SELENOI: variants seen among roughly 807,000 people sequenced by gnomAD.
SELENOI encodes ethanolaminephosphotransferase 1.
In SELENOI, 24 loss-of-function variants were observed where a neutral mutation model predicts 50.7. The observed-to-expected ratio is 0.47, with a 90% CI of 0.34 to 0.67. The LOEUF is 0.67. Among genes scored for constraint, SELENOI ranks in the 30% least tolerant of loss-of-function variants. The pLI, the probability that SELENOI is intolerant of heterozygous loss-of-function variation, is 0.01. For synonymous variants in SELENOI, 155 were observed against 170.2 expected, an observed-to-expected ratio of 0.91 and a Z score of 0.70; for missense variants, 352 against 461.4, an observed-to-expected ratio of 0.76 and a Z score of 2.17.
In SELENOI at chr2:26,376,804, T is replaced by A. The variant is rs181473074; in HGVS notation, c.682+1656T>A. The stretch of plus-strand genomic sequence containing the variant: ...TTTACTTACGTGAAAGTGTATTGAT[T>A]TTGCCTGAATTTTTTCTTTTGGCAT... On this transcript the variant is annotated intron_variant, in intron 6 of 9. Transcript: ENST00000260585. 2.3e-4 allele frequency among the ~76,000 whole-genome samples: 35 copies of A among 152,352 alleles called. No individual in the cohort carries two copies. The East Asian group carries it at 6.7e-3, about 29-fold the overall frequency.
intron 5 of SELENOI, among the ~76,000 whole-genome samples, chr2:26,374,101 C>G (rs954499428): frequency 6.6e-6 from 1 of 152,042 alleles, no homozygotes; most frequent in African/African-American, 2.4e-5. Flanking sequence ...ATAAATACTT[C>G]GCTATATATC....
chr2:26,358,035 C>A (rs1221016810), intron 1 of SELENOI, among the ~76,000 whole-genome samples: 1 of 152,212 alleles, frequency 6.6e-6, no homozygotes, highest in Admixed American at 6.5e-5. Flanking sequence ...ATGCCTTTCG[C>A]CTTCCACTAT....
At chr2:26,352,139 CAG>C (rs1457553480) in intron 1 of SELENOI, among the ~76,000 whole-genome samples, 1 of 151,830 alleles carries the variant, frequency 6.6e-6, no homozygotes. Flanking sequence ...GACCCTGTCT[CAG>C]AGAAGAAAAA....
chr2:26,371,358 C>T (rs1322295444), intron 4 of SELENOI, among the ~76,000 whole-genome samples: 1 of 151,142 alleles, frequency 6.6e-6, no homozygotes, highest in Non-Finnish European at 1.5e-5. Flanking sequence ...GGCAGAGGCG[C>T]TCCCCACATC....
chr2:26,376,091 CAAAA>C (rs57146815), intron 6 of SELENOI, among the ~76,000 whole-genome samples: 3 of 81,224 alleles, frequency 3.7e-5, no homozygotes, highest in Admixed American at 1.1e-4. Flanking sequence ...GACCCTGTCT[CAAAA>C]AAAAAAAAAA....
chr2:26,371,866 T>TG (rs1046634688), intron 4 of SELENOI, among the ~76,000 whole-genome samples: 2 of 149,322 alleles, frequency 1.3e-5, no homozygotes, highest in African/African-American at 5.1e-5. Flanking sequence ...AGGGAAACCA[T>TG]GGGGAGAGGG....
At chr2:26,375,189 T>C in intron 6 of SELENOI, 41 bp downstream of exon 6, 1 of 1,340,950 alleles carries the variant, frequency 7.5e-7, no homozygotes, top group Non-Finnish European at 1.1e-6. Flanking sequence ...ACCATCACTT[T>C]GTTATCAAAA....
chr2:26,355,951 A>C (rs975908076), intron 1 of SELENOI, among the ~76,000 whole-genome samples: 1 of 152,070 alleles, frequency 6.6e-6, no homozygotes, highest in Non-Finnish European at 1.5e-5. Flanking sequence ...TGTGTTTCCC[A>C]GGCTGGTCTT....
At position 26,393,164 on chromosome 2, in the gene SELENOI, G is replaced by A. The variant is rs1340818919; in HGVS notation, c.*4061G>A. 6.6e-6 allele frequency: 1 copy of A among 152,628 alleles called. No homozygotes were observed. The highest frequency in any genetic ancestry group is 1.5e-5 in the Non-Finnish European group (1 of 68,044). 9.5% of individuals were successfully genotyped at this position (152,628 alleles called of 1,614,324 possible). A position where few individuals can be genotyped will look rare whatever the true frequency, so the allele number is the denominator to read the frequency against. On this transcript the variant is annotated 3_prime_UTR_variant, in exon 10 of 10. Coordinates refer to ENST00000260585, the MANE Select transcript of SELENOI (RefSeq NM_033505.4). ...TGGTACAAATGACTGACATTGGCAGGCAGTTATTGTAGGGTATATGGTTAA... is the reference window on the plus strand; with the variant it reads ...TGGTACAAATGACTGACATTGGCAGACAGTTATTGTAGGGTATATGGTTAA...
intron 7 of SELENOI, among the ~76,000 whole-genome samples, 186 bp downstream of exon 7, chr2:26,383,533 A>AC (rs1677753945): frequency 6.6e-6 from 1 of 152,110 alleles, no homozygotes; most frequent in African/African-American, 2.4e-5. Context: ...GTCATTTCAA[A>AC]CACAGCACAA....
chr2:26,390,112 A>G lies in SELENOI; in HGVS notation c.*1009A>G, dbSNP rs559996508. 6.7e-6 allele frequency: 1 copy of G among 148,260 alleles called. No individual in the cohort carries two copies. Among genetic ancestry groups the G allele is most frequent in the Non-Finnish European group, 1.5e-5 (1 of 67,280 alleles). The allele number at this position is 148,260 out of a possible 1,614,324, so 9.2% of individuals were successfully genotyped here. A position where few individuals can be genotyped will look rare whatever the true frequency, so the allele number is the denominator to read the frequency against. ...AACAGAGAGAAGTTCTCTCTTCTCC[A>G]GCTTGTCCATTTCCCCACTTGAAGA... On this transcript the variant is annotated 3_prime_UTR_variant, in exon 10 of 10. Transcript: ENST00000260585.
intron 4 of SELENOI, among the ~76,000 whole-genome samples, chr2:26,371,111 C>G (rs1438921049): frequency 6.9e-6 from 1 of 144,078 alleles, no homozygotes. Context: ...GGGGCTGACC[C>G]CCCCACCTCC....
chr2:26,364,690 G>A (rs770797196), intron 2 of SELENOI, 142 bp from the exon 3 acceptor site: 285 of 600,270 alleles, frequency 4.7e-4, no homozygotes, highest in Non-Finnish European at 5.5e-4. Context: ...GGAGATTATC[G>A]TTTACGTGTT....
At chr2:26,368,411 TC>T (rs1677335545) in intron 4 of SELENOI, among the ~76,000 whole-genome samples, 1 of 152,222 alleles carries the variant, frequency 6.6e-6, no homozygotes, top group South Asian at 2.1e-4. Context: ...CGCCGTAAGA[TC>T]CTTTTGATGT....
At chr2:26,356,071 A>G (rs572455014) in intron 1 of SELENOI, among the ~76,000 whole-genome samples, 20 of 152,284 alleles carry the variant, frequency 1.3e-4, no homozygotes, top group African/African-American at 3.8e-4. Flanking sequence ...CAAGTCTTGT[A>G]TTGATTAAAA....
At chr2:26,358,655 C>T (rs1677113400) in intron 1 of SELENOI, among the ~76,000 whole-genome samples, 1 of 152,208 alleles carries the variant, frequency 6.6e-6, no homozygotes, top group Non-Finnish European at 1.5e-5. Flanking sequence ...TAGCTATTTC[C>T]TTGGATAACC....
chr2:26,353,152 G>A (rs1481667114), intron 1 of SELENOI, among the ~76,000 whole-genome samples: 1 of 152,152 alleles, frequency 6.6e-6, no homozygotes, highest in African/African-American at 2.4e-5. Context: ...TGACTGGGTG[G>A]ATAGAAGTGG....
At chr2:26,351,872 G>A (rs965593517) in intron 1 of SELENOI, among the ~76,000 whole-genome samples, 1 of 152,200 alleles carries the variant, frequency 6.6e-6, no homozygotes, top group African/African-American at 2.4e-5. Flanking sequence ...GCCAGGTGCA[G>A]TGCCTTAGGC....
intron 4 of SELENOI, among the ~76,000 whole-genome samples, chr2:26,371,177 G>A (rs1271070770): frequency 6.6e-6 from 1 of 151,528 alleles, no homozygotes; most frequent in African/African-American, 2.4e-5. Context: ...CCTCCCTCCC[G>A]GACGGGGTGG....
Sources: gnomAD v4.1 joint callset for allele counts (sites outside exome capture counted in the v4.1 genomes callset) on GRCh38, gnomAD v4.1.1 for gene constraint, MANE v1.5 for transcripts, NCBI Gene and HGNC (gene_info 2026-07-23, HGNC 2026-07-21) for gene names.